OSR1: variants seen among roughly 807,000 people sequenced by gnomAD.
The protein encoded by OSR1 is odd-skipped related transcription factor 1.
In OSR1, 3 loss-of-function variants were observed where a neutral mutation model predicts 15.7. The observed-to-expected ratio is 0.19, with a 90% CI of 0.09 to 0.50. The LOEUF (loss-of-function observed/expected upper bound fraction) is 0.50, where lower values mean the gene tolerates loss of function less well. Ranked by LOEUF, OSR1 falls within the 20% of genes least tolerant of loss-of-function variation. The pLI is 0.97. For synonymous variants in OSR1, 166 were observed against 152.7 expected (o/e 1.09, Z -0.64); for missense variants, 271 against 351.1 (o/e 0.77, Z 1.82).
Position 19,353,549 on chromosome 2 carries a change from A to G in OSR1, c.257T>C (p.Leu86Pro). 1 of 1,614,220 alleles carries G rather than the reference A, an allele frequency of 6.2e-7. No individual in the cohort carries two copies. Among genetic ancestry groups the G allele is most frequent in the African/African-American group, 1.3e-5 (1 of 75,074 alleles). ...VSSLVDARFQ[L>P]PAFPWFPHVI... ...ATGAGGGAACCAGGGAAAGGCGGGC[A>G]GCTGGAAGCGCGCATCCACCAAGCT... Residue 86 changes from leucine to proline, a missense_variant, in exon 2 of 3, where the codon CTG becomes CCG. By Grantham distance (98) the Leu-to-Pro change is moderately conservative (BLOSUM62 -3). Transcript: ENST00000272223.
rs1050516292 is a variant in OSR1, at chr2:19,351,588, G to A, written c.*687C>T. The A allele has an allele frequency of 2.0e-5, 3 of 152,256 alleles. No homozygotes were observed. Among genetic ancestry groups the A allele is most frequent in the African/African-American group, 7.3e-5 (3 of 41,290 alleles). 9.4% of individuals were successfully genotyped at this position (152,256 alleles called of 1,614,324 possible). The stretch of plus-strand genomic sequence containing the variant: ...CATAAAGTGCCAATCGCAATATAAC[G>A]CCCGGCTCTTGGCTGGCTGCTCCCT... On this transcript the variant is annotated 3_prime_UTR_variant, in exon 3 of 3. Transcript: ENST00000272223.
chr2:19,350,209 TTGG>T (rs1200841873), downstream of OSR1, among the ~76,000 whole-genome samples: 1 of 152,166 alleles, frequency 6.6e-6, no homozygotes, highest in Non-Finnish European at 1.5e-5. Context: ...ACATAGATGC[TTGG>T]TGGTTTCGCG....
chr2:19,358,268 A>G (rs1664992129), intron 1 of OSR1, 73 bp downstream of exon 1: 1 of 152,542 alleles, frequency 6.6e-6, no homozygotes, highest in Non-Finnish European at 1.5e-5. Context: ...GCACCCGCCG[A>G]GCAGTGACAA....
chr2:19,357,525 T>C lies in OSR1; in HGVS notation c.-33+816A>G, dbSNP rs1168811459. 3.3e-5 allele frequency among the ~76,000 whole-genome samples: 5 copies of C among 152,074 alleles called. No homozygotes were observed. Among genetic ancestry groups the C allele is most frequent in the Admixed American group, 2.0e-4 (3 of 15,264 alleles). ...TTCACCCCTTTCCCCCTTCTTTCTC[T>C]CCTGACGGCTGGATTAGCGGACAGT... On this transcript the variant is annotated intron_variant, in intron 1 of 2. Transcript: ENST00000272223. This position sits in a 1 kb window ranked among gnomAD's most constrained non-coding sequence, Gnocchi z 5.0.
chr2:19,345,276 T>G, the OSR1 span, among the ~76,000 whole-genome samples: 2 of 152,242 alleles, frequency 1.3e-5, no homozygotes, highest in Admixed American at 6.5e-5. Context: ...TGATGGTAGT[T>G]TCTTTTGCTG....
chr2:19,355,427 TCTGCCTTTCG>T (rs1664929135), intron 1 of OSR1: 1 of 152,530 alleles, frequency 6.6e-6, no homozygotes, highest in African/African-American at 2.4e-5. Flanking sequence ...CATAGACTCC[TCTGCCTTTCG>T]CTGCAGCGAG....
At chr2:19,346,714 G>T (rs1287198238), downstream of OSR1, 1 of 152,336 alleles carries the variant, frequency 6.6e-6, no homozygotes, top group Non-Finnish European at 1.5e-5. Context: ...GATGCAATGA[G>T]TCCTGATCGC....
downstream of OSR1, among the ~76,000 whole-genome samples, chr2:19,348,780 C>G (rs1664783372): frequency 1.3e-5 from 2 of 152,228 alleles, no homozygotes; most frequent in Admixed American, 6.5e-5. Flanking sequence ...GCAAGCTGTT[C>G]TTTTCCCTGG....
rs372422320 is a variant in OSR1, at chr2:19,353,609, C to A, written c.197G>T (p.Arg66Leu). Residue 66 changes from arginine to leucine, a missense_variant, in exon 2 of 3, where the codon CGC becomes CTC. By Grantham distance (102) the Arg-to-Leu change is moderately radical. This residue lies in a region of OSR1 where 210 missense variants were observed against 218.4 expected (regional missense o/e 0.96). Transcript: ENST00000272223. ...TLGYPAMHLP[R>L]SSFSKVPGTV... Reference sequence around the variant, plus strand: ...GCCCGGCACTTTGGAGAAAGAAGAGCGCGGCAAGTGCATGGCCGGGTAGCC... The same window carrying A: ...GCCCGGCACTTTGGAGAAAGAAGAGAGCGGCAAGTGCATGGCCGGGTAGCC... The A allele has an allele frequency of 1.9e-6, 3 of 1,614,102 alleles. No homozygotes were observed. The African/African-American group carries it at 4.0e-5, about 22-fold the overall frequency.
At chr2:19,347,353 G>A (rs545129604), downstream of OSR1, among the ~76,000 whole-genome samples, 5 of 152,176 alleles carry the variant, frequency 3.3e-5, no homozygotes, top group South Asian at 2.1e-4. Context: ...AGTGAATGAG[G>A]TAGGTAGGAA....
rs763914998 is a variant in OSR1 at position 19,357,053 on chromosome 2, G to T, written c.-33+1288C>A. 6.6e-6 allele frequency: 1 copy of T among 152,120 alleles called. No homozygotes were observed. Among genetic ancestry groups the T allele is most frequent in the African/African-American group, 2.4e-5 (1 of 41,428 alleles). The allele number at this position is 152,120 out of a possible 1,614,324, so 9.4% of individuals were successfully genotyped here. On this transcript the variant is annotated intron_variant, in intron 1 of 2. Transcript: ENST00000272223. This position sits in a 1 kb window ranked among gnomAD's most constrained non-coding sequence, Gnocchi z 5.0. ...CGGACCCCCGTGAAGAGGACTGACC[G>T]GCACCGGATACTTCTATAGCATTCT...
In OSR1 at chr2:19,357,827, G is replaced by T. The variant is rs1664981161; in HGVS notation, c.-33+514C>A. 1 of 152,276 alleles carries T rather than the reference G, an allele frequency of 6.6e-6. No individual in the cohort carries two copies. Among genetic ancestry groups the T allele is most frequent in the Non-Finnish European group, 1.5e-5 (1 of 68,072 alleles). 9.4% of individuals were successfully genotyped at this position (152,276 alleles called of 1,614,324 possible). A position where few individuals can be genotyped will look rare whatever the true frequency, so the allele number is the denominator to read the frequency against. On this transcript the variant is annotated intron_variant, in intron 1 of 2. Transcript: ENST00000272223. This position sits in a 1 kb window ranked among gnomAD's most constrained non-coding sequence, Gnocchi z 5.0. ...GGTCTAGGCGGCCTCATACTAGAGC[G>T]CAACTCCTCAAAAGACAAACTTGAA... is the stretch of plus-strand genomic sequence containing the variant.
rs1311389317 is a variant in OSR1 at position 19,352,807 on chromosome 2, AAATT to A, written c.665+330_665+333del. Among the ~76,000 whole-genome samples the A allele has an allele frequency of 4.6e-5, 7 of 152,326 alleles. No individual in the cohort carries two copies. The East Asian group carries it at 1.4e-3, about 29-fold the overall frequency. On this transcript the variant is annotated intron_variant, in intron 2 of 2. Coordinates refer to ENST00000272223, the MANE Select transcript of OSR1 (RefSeq NM_145260.3). ...AAATTACTTAAAATTAAATAAAACT[AAATT>A]AGTTTCTCAGACATTTCAAATACTT...
rs1008943119 is a variant in OSR1 at position 19,352,220 on chromosome 2, C to T, written c.*55G>A. The T allele has an allele frequency of 2.5e-6, 4 of 1,583,310 alleles. No homozygotes were observed. In the African/African-American group the frequency reaches 4.1e-5, roughly 16 times the overall value. ...TGCCCGCCAGAGTCAGGCTTCTGGT[C>T]CCTATGGAGGAGAGGGCCGCTGGGC... On this transcript the variant is annotated 3_prime_UTR_variant, in exon 3 of 3. Coordinates refer to ENST00000272223, the MANE Select transcript of OSR1 (RefSeq NM_145260.3).
chr2:19,349,363 C>T (rs1664793046), downstream of OSR1, among the ~76,000 whole-genome samples: 1 of 152,162 alleles, frequency 6.6e-6, no homozygotes, highest in African/African-American at 2.4e-5. Flanking sequence ...GAGACGTGAT[C>T]TCTGAGTCCA....
downstream of OSR1, among the ~76,000 whole-genome samples, chr2:19,349,463 T>TC (rs1664793988): frequency 6.6e-6 from 1 of 152,170 alleles, no homozygotes; most frequent in Non-Finnish European, 1.5e-5. Flanking sequence ...CACCCTCCAT[T>TC]CCCCATCCCC....
the OSR1 span, among the ~76,000 whole-genome samples, chr2:19,345,744 C>G: frequency 4.2e-3 from 640 of 152,306 alleles, 5 homozygotes; most frequent in Non-Finnish European, 6.8e-3. Flanking sequence ...CAGCACAACA[C>G]ATGCTCTGGT....
At chr2:19,346,277 T>C in the OSR1 span, among the ~76,000 whole-genome samples, 3 of 152,310 alleles carry the variant, frequency 2.0e-5, no homozygotes, top group South Asian at 6.2e-4. Context: ...CCATCCCATT[T>C]TGGGGGGTTA....
At chr2:19,349,589 A>C (rs1664795866), downstream of OSR1, among the ~76,000 whole-genome samples, 2 of 152,194 alleles carry the variant, frequency 1.3e-5, no homozygotes, top group African/African-American at 4.8e-5. Flanking sequence ...GGGGTGACCC[A>C]AAAAGGATTA....
Sources: allele counts gnomAD v4.1 joint callset (sites outside exome capture counted in the v4.1 genomes callset), GRCh38; gene constraint gnomAD v4.1.1; regional missense constraint gnomAD v4.1.1; non-coding constraint Gnocchi (gnomAD v3.1); transcripts MANE v1.5; gene names NCBI Gene and HGNC (gene_info 2026-07-23, HGNC 2026-07-21).